The following REEP3 variants were observed in gnomAD, a reference collection of about 807,000 sequenced individuals.
The protein encoded by REEP3 is receptor accessory protein 3, also known as receptor expression-enhancing protein 3.
A neutral mutation model predicts 41.3 loss-of-function variants in REEP3; 20 were observed. The ratio of observed to expected loss-of-function variants is 0.48; its 90% CI spans 0.34 to 0.70. REEP3 has a LOEUF of 0.70. Among genes scored for constraint, REEP3 ranks in the 30% least tolerant of loss-of-function variants. The pLI, the probability that REEP3 is intolerant of heterozygous loss-of-function variation, is 0.01. For synonymous variants in REEP3, 104 were observed against 101.8 expected, an observed-to-expected ratio of 1.02 and a Z score of -0.13; for missense variants, 271 against 308.8, an observed-to-expected ratio of 0.88 and a Z score of 0.92.
intron 1 of REEP3, among the ~76,000 whole-genome samples, chr10:63,545,036 A>T (rs1176003002): frequency 6.6e-6 from 1 of 152,228 alleles, no homozygotes; most frequent in Non-Finnish European, 1.5e-5. Context: ...ATTTATTGTG[A>T]TTAGATTAAT....
At chr10:63,602,026 G>A (rs191804185) in intron 5 of REEP3, among the ~76,000 whole-genome samples, 2 of 152,134 alleles carry the variant, frequency 1.3e-5, no homozygotes, top group Non-Finnish European at 1.5e-5. Flanking sequence ...GGCCACTGGT[G>A]CCCATGTAGC....
chr10:63,558,629 A>G (rs1244389811), intron 1 of REEP3, among the ~76,000 whole-genome samples: 1 of 152,168 alleles, frequency 6.6e-6, no homozygotes, highest in Non-Finnish European at 1.5e-5. Flanking sequence ...CTCTACAAAA[A>G]AATACAAAAA....
At position 63,556,643 on chromosome 10, in the gene REEP3, T is replaced by G. The variant is rs1199911174; in HGVS notation, c.33-9695T>G. Among the ~76,000 whole-genome samples the G allele has an allele frequency of 1.8e-5, 2 of 108,934 alleles. 1 individual carries two copies. Among genetic ancestry groups the G allele is most frequent in the Admixed American group, 2.1e-4 (2 of 9,480 alleles). 71.5% of individuals were successfully genotyped at this position (108,934 alleles called of 152,430 possible). A position where few individuals can be genotyped will look rare whatever the true frequency, so the allele number is the denominator to read the frequency against. ...TTTTTTTTGTTGTTTTGTTTTTTTT[T>G]TTTTTTTTTTGAGACGGAGTCTCGC... On this transcript the variant is annotated intron_variant, in intron 1 of 7. Coordinates refer to ENST00000373758, the MANE Select transcript of REEP3 (RefSeq NM_001001330.3).
chr10:63,529,439 T>G (rs908158609), intron 1 of REEP3, among the ~76,000 whole-genome samples: 2 of 150,214 alleles, frequency 1.3e-5, no homozygotes, highest in African/African-American at 4.8e-5. Context: ...GAAGTGAATG[T>G]CATTCTTTTA....
chr10:63,582,273 A>C (rs1034409392), intron 2 of REEP3, among the ~76,000 whole-genome samples: 11 of 152,350 alleles, frequency 7.2e-5, no homozygotes, highest in Middle Eastern at 3.4e-3. Context: ...GCATGTCCTC[A>C]ACTCTGGTTA....
intron 1 of REEP3, among the ~76,000 whole-genome samples, chr10:63,523,879 C>T (rs1955330631): frequency 6.6e-6 from 1 of 152,096 alleles, no homozygotes; most frequent in African/African-American, 2.4e-5. Context: ...AGATTCTCTG[C>T]CCTTCTGTGA....
chr10:63,619,589 G>A (rs1453133103), intron 6 of REEP3, 66 bp from the exon 7 acceptor site: 12 of 1,430,558 alleles, frequency 8.4e-6, no homozygotes, highest in South Asian at 2.5e-5. Flanking sequence ...TACACAGATG[G>A]GTCAAAGAGC....
At position 63,594,787 on chromosome 10, in the gene REEP3, A is replaced by C; in HGVS notation, c.115A>C (p.Met39Leu). The C allele has an allele frequency of 1.2e-6, 2 of 1,606,772 alleles. No individual in the cohort carries two copies. Among genetic ancestry groups the C allele is most frequent in the South Asian group, 2.2e-5 (2 of 90,876 alleles). Residue 39 changes from methionine to leucine, a missense_variant, in exon 3 of 8, where the codon ATG (methionine) becomes CTG (leucine). Coordinates refer to ENST00000373758, the MANE Select transcript of REEP3 (RefSeq NM_001001330.3). Reference sequence around the variant, plus strand: ...TTTTTATTATTTCCAGGTTCGATGGATGATGTACTGGATTGTTTTTGCTCT... The same window carrying C: ...TTTTTATTATTTCCAGGTTCGATGGCTGATGTACTGGATTGTTTTTGCTCT... Reference protein sequence around the residue: ...TKNVKEYVRWMMYWIVFALYT... With the variant: ...TKNVKEYVRWLMYWIVFALYT...
chr10:63,536,489 A>G (rs551866967), intron 1 of REEP3, among the ~76,000 whole-genome samples: 1 of 152,330 alleles, frequency 6.6e-6, no homozygotes, highest in African/African-American at 2.4e-5. Flanking sequence ...TTAGAAACTC[A>G]TATTGCTGTT....
intron 1 of REEP3, 129 bp downstream of exon 1, chr10:63,521,706 C>A: frequency 1.8e-6 from 1 of 560,194 alleles, no homozygotes; most frequent in South Asian, 6.1e-5. Context: ...TCGGGCCTGC[C>A]GAGGGTCTGG....
intron 1 of REEP3, among the ~76,000 whole-genome samples, chr10:63,535,914 C>T (rs1285623107): frequency 6.6e-6 from 1 of 152,138 alleles, no homozygotes; most frequent in Non-Finnish European, 1.5e-5. Context: ...GAGAATATCA[C>T]AATTTGGTAG....
intron 6 of REEP3, among the ~76,000 whole-genome samples, chr10:63,617,102 T>G (rs1207361186): frequency 6.6e-6 from 1 of 152,036 alleles, no homozygotes; most frequent in Non-Finnish European, 1.5e-5. Flanking sequence ...TTCCAAGCAA[T>G]CCCCAAGCCC....
intron 1 of REEP3, among the ~76,000 whole-genome samples, chr10:63,546,055 C>G (rs1015859928): frequency 1.9e-4 from 29 of 152,140 alleles, no homozygotes. Context: ...CAGGTCTGTA[C>G]TCATCACATG....
At chr10:63,575,493 C>G (rs1426623776) in intron 2 of REEP3, among the ~76,000 whole-genome samples, 2 of 152,082 alleles carry the variant, frequency 1.3e-5, no homozygotes, top group Non-Finnish European at 2.9e-5. Flanking sequence ...ACTCCATTTT[C>G]ACTGTTGTTC....
At chr10:63,535,945 A>G (rs959932533) in intron 1 of REEP3, among the ~76,000 whole-genome samples, 5 of 152,228 alleles carry the variant, frequency 3.3e-5, no homozygotes, top group Admixed American at 6.5e-5. Flanking sequence ...TTCAGACCCT[A>G]CAACAAACCA....
Position 63,568,782 on chromosome 10 carries a change from A to G in REEP3, c.105+2372A>G, listed in dbSNP as rs183382956. ...GCGATCCTCCTACCTCAGCCTTCTC[A>G]GTAGCTGGGACTACAGCCGTGCACC... On this transcript the variant is annotated intron_variant, in intron 2 of 7. Coordinates refer to ENST00000373758, the MANE Select transcript of REEP3 (RefSeq NM_001001330.3). Among the ~76,000 whole-genome samples the G allele has an allele frequency of 1.6e-3, 242 of 149,968 alleles. 1 individual carries two copies. The highest frequency in any genetic ancestry group is 5.0e-3 in the African/African-American group (203 of 40,660).
chr10:63,579,532 C>T (rs1267311001), intron 2 of REEP3, among the ~76,000 whole-genome samples: 1 of 152,220 alleles, frequency 6.6e-6, no homozygotes, highest in East Asian at 1.9e-4. Flanking sequence ...GAAAGCATTT[C>T]CACAGTGTTC....
At chr10:63,566,957 A>G (rs948655510) in intron 2 of REEP3, among the ~76,000 whole-genome samples, 2 of 151,780 alleles carry the variant, frequency 1.3e-5, no homozygotes, top group African/African-American at 4.8e-5. Context: ...CTATTCCCTA[A>G]TTTTCTTTTT....
chr10:63,549,138 G>C (rs2133358891), intron 1 of REEP3, among the ~76,000 whole-genome samples: 1 of 152,300 alleles, frequency 6.6e-6, no homozygotes, highest in East Asian at 1.9e-4. Flanking sequence ...TTCTCATGGG[G>C]CATGTTGGGC....
Sources: allele counts gnomAD v4.1 joint callset (sites outside exome capture counted in the v4.1 genomes callset), GRCh38; gene constraint gnomAD v4.1.1; transcripts MANE v1.5; gene names NCBI Gene and HGNC (gene_info 2026-07-23, HGNC 2026-07-21).